CD34: variants seen among roughly 807,000 people sequenced by gnomAD.
The protein encoded by CD34 is CD34 molecule, also known as hematopoietic progenitor cell antigen CD34.
A neutral mutation model predicts 40.1 loss-of-function variants in CD34; 34 were observed. The observed-to-expected ratio is 0.85, with a 90% CI of 0.65 to 1.13. The LOEUF (loss-of-function observed/expected upper bound fraction) is 1.13, where lower values mean the gene tolerates loss of function less well. CD34 is among the 50% of genes most tolerant of loss of function. The pLI is 0.00. For missense variants in CD34, 426 were observed against 466.9 expected, an observed-to-expected ratio of 0.91 and a Z score of 0.81; for synonymous variants, 209 against 190.0, an observed-to-expected ratio of 1.10 and a Z score of -0.82.
chr1:207,907,236 T>TA (rs985620416), intron 1 of CD34, among the ~76,000 whole-genome samples: 3 of 151,822 alleles, frequency 2.0e-5, no homozygotes, highest in African/African-American at 4.8e-5. Context: ...AGCCATGTAT[T>TA]AAAAAAAAAT....
chr1:207,892,239 C>T (rs1451309566), intron 4 of CD34, among the ~76,000 whole-genome samples: 1 of 152,136 alleles, frequency 6.6e-6, no homozygotes, highest in African/African-American at 2.4e-5. Context: ...GTGTCATGTT[C>T]CTCAGCTGTA....
rs1251041847 is a variant in CD34, at chr1:207,882,171, A to G, written c.*5567T>C. The G allele has an allele frequency of 6.6e-6, 1 of 152,252 alleles. No individual in the cohort carries two copies. Among genetic ancestry groups the G allele is most frequent in the East Asian group, 1.9e-4 (1 of 5,206 alleles). The allele number at this position is 152,252 out of a possible 1,614,324, so 9.4% of individuals were successfully genotyped here. The stretch of plus-strand genomic sequence containing the variant: ...TAGGGAGACTCCGATATGTAGAGAG[A>G]AGAAGGCAGAATTGGGAGGGACTTT... On this transcript the variant is annotated 3_prime_UTR_variant, in exon 8 of 8. Coordinates refer to ENST00000310833, the MANE Select transcript of CD34 (RefSeq NM_001025109.2).
In CD34 at chr1:207,887,549, A is replaced by C; in HGVS notation, c.*189T>G. The C allele has an allele frequency of 1.4e-6, 1 of 733,704 alleles. No individual in the cohort carries two copies. The highest frequency in any genetic ancestry group is 2.2e-6 in the Non-Finnish European group (1 of 463,762). The allele number at this position is 733,704 out of a possible 1,614,324, so 45.4% of individuals were successfully genotyped here. On this transcript the variant is annotated 3_prime_UTR_variant, in exon 8 of 8. Coordinates refer to ENST00000310833, the MANE Select transcript of CD34 (RefSeq NM_001025109.2). Reference sequence around the variant, plus strand: ...CCAGAGTCTGGCTCCAGGGAGCCGAATGTGTAAAGGACAGGAGTTTACCTG... The same window carrying C: ...CCAGAGTCTGGCTCCAGGGAGCCGACTGTGTAAAGGACAGGAGTTTACCTG...
chr1:207,907,961 C>A (rs913257809), intron 1 of CD34, among the ~76,000 whole-genome samples: 9 of 152,096 alleles, frequency 5.9e-5, no homozygotes, highest in African/African-American at 2.2e-4. Flanking sequence ...TTAGATCAAC[C>A]AAAGTCAATG....
Position 207,889,174 on chromosome 1 carries a change from G to T in CD34, c.794C>A (p.Ser265Tyr). Residue 265 changes from serine (S) to tyrosine (Y), a missense_variant, in exon 6 of 8, where the codon TCT becomes TAT. Coordinates refer to ENST00000310833, the MANE Select transcript of CD34 (RefSeq NM_001025109.2). ...SKLQLMKKHQ[S>Y]DLKKLGILDF... ...CAGAGGACTTACCTTTTTCAGGTCA[G>T]ATTGGTGCTTTTTCATAAGTTGGAG... is the stretch of plus-strand genomic sequence containing the variant. The T allele has an allele frequency of 6.3e-7, 1 of 1,595,520 alleles. No homozygotes were observed. The highest frequency in any genetic ancestry group is 8.6e-7 in the Non-Finnish European group (1 of 1,162,956).
chr1:207,900,996 C>CTTTT (rs34109724), intron 1 of CD34, among the ~76,000 whole-genome samples: 16 of 134,726 alleles, frequency 1.2e-4, no homozygotes, highest in South Asian at 2.4e-4. Context: ...GGGATACATA[C>CTTTT]TTTTTTTTTT....
intron 1 of CD34, among the ~76,000 whole-genome samples, chr1:207,901,275 C>G (rs1293960691): frequency 6.6e-6 from 1 of 152,222 alleles, no homozygotes; most frequent in African/African-American, 2.4e-5. Flanking sequence ...AGGATGTACC[C>G]TCTCTTCTAG....
In CD34 at chr1:207,910,079, C is replaced by T. The variant is rs143081580; in HGVS notation, c.79+923G>A. ...TGCAAAGAGATGAGGTGGAGAATGT[C>T]ATTCCCCAAGGAAAGTAATCGAGTA... On this transcript the variant is annotated intron_variant, in intron 1 of 7. Transcript: ENST00000310833. 3.9e-3 allele frequency among the ~76,000 whole-genome samples: 592 copies of T among 152,288 alleles called. 1 individual carries two copies. The highest frequency in any genetic ancestry group is 0.013 in the African/African-American group (560 of 41,550).
Position 207,888,744 on chromosome 1 carries a change from A to G in CD34, c.910T>C (p.Leu304=), listed in dbSNP as rs781364089. The change falls in exon 7 of 8, where the codon TTG becomes CTG. Residue 304 remains leucine, a synonymous_variant. Coordinates refer to ENST00000310833, the MANE Select transcript of CD34 (RefSeq NM_001025109.2). ...LVTSGALLAV[L]GITGYFLMNR... ...ATCAGGAAATAGCCAGTGATGCCCA[A>G]GACAGCCAGCAGGGCTCCCGAGGTG... 12 of 1,614,248 alleles carry G rather than the reference A, an allele frequency of 7.4e-6. No homozygotes were observed. Among genetic ancestry groups the G allele is most frequent in the Non-Finnish European group, 1.0e-5 (12 of 1,180,042 alleles).
rs1423148285 is a variant in CD34, at chr1:207,884,508, G to T, written c.*3230C>A. On this transcript the variant is annotated 3_prime_UTR_variant, in exon 8 of 8. Transcript: ENST00000310833. ...ATGAATGATTGAATGGTGGCTGGAA[G>T]CCTCTTCGATGGGGGCTTTAGGAAG... 3 of 152,196 alleles carry T rather than the reference G, an allele frequency of 2.0e-5. No homozygotes were observed. Among genetic ancestry groups the T allele is most frequent in the East Asian group, 1.9e-4 (1 of 5,180 alleles). The allele number at this position is 152,196 out of a possible 1,614,324, so 9.4% of individuals were successfully genotyped here. A position where few individuals can be genotyped will look rare whatever the true frequency, so the allele number is the denominator to read the frequency against.
Position 207,899,332 on chromosome 1 carries a change from G to A in CD34, c.263-106C>T. The A allele has an allele frequency of 3.2e-6, 4 of 1,248,006 alleles. No homozygotes were observed. The South Asian group carries it at 5.5e-5, about 17-fold the overall frequency. 77.3% of individuals were successfully genotyped at this position (1,248,006 alleles called of 1,614,324 possible). A position where few individuals can be genotyped will look rare whatever the true frequency, so the allele number is the denominator to read the frequency against. On this transcript the variant is annotated intron_variant, in intron 2 of 7. Coordinates refer to ENST00000310833, the MANE Select transcript of CD34 (RefSeq NM_001025109.2). ...CACTTCAACACAGAAAAGGGAGTTT[G>A]GGGAGTTAACAGTTACTTCGTGTCC...
In CD34 at chr1:207,883,418, T is replaced by C. The variant is rs1661840923; in HGVS notation, c.*4320A>G. On this transcript the variant is annotated 3_prime_UTR_variant, in exon 8 of 8. Coordinates refer to ENST00000310833, the MANE Select transcript of CD34 (RefSeq NM_001025109.2). ...ACATCTAGATACAAAGCACTTCATT[T>C]AGTCTTTCCTCGTGTTATTTCTCAC... is the stretch of plus-strand genomic sequence containing the variant. 1 of 152,250 alleles carries C rather than the reference T, an allele frequency of 6.6e-6. No homozygotes were observed. Among genetic ancestry groups the C allele is most frequent in the Non-Finnish European group, 1.5e-5 (1 of 68,044 alleles). The allele number at this position is 152,250 out of a possible 1,614,324, so 9.4% of individuals were successfully genotyped here.
chr1:207,910,910 C>A, intron 1 of CD34, 92 bp downstream of exon 1: 1 of 1,301,374 alleles, frequency 7.7e-7, no homozygotes. Flanking sequence ...CCCTTCCCTC[C>A]GTGAGACTCT....
chr1:207,889,619 C>T lies in CD34; in HGVS notation c.600G>A (p.Ala200=), dbSNP rs759595473. ...CLEQNKTSSC[A]EFKKDRGEGL... is the part of the protein sequence containing the mutation. Reference sequence around the variant, plus strand: ...CCTCTCCCCTGTCCTTCTTAAACTCCGCCTGGGAAGACAGAGAAACATGGA... The same window carrying T: ...CCTCTCCCCTGTCCTTCTTAAACTCTGCCTGGGAAGACAGAGAAACATGGA... The change falls in exon 5 of 8, where the codon GCG becomes GCA. Residue 200 remains alanine (A), a splice_region_variant and synonymous_variant. Coordinates refer to ENST00000310833, the MANE Select transcript of CD34 (RefSeq NM_001025109.2). The T allele has an allele frequency of 7.6e-5, 122 of 1,612,380 alleles. 2 individuals are homozygous for T. The highest frequency in any genetic ancestry group is 4.0e-4 in the South Asian group (36 of 90,808).
At chr1:207,910,932 C>T in intron 1 of CD34, 70 bp downstream of exon 1, 1 of 1,437,982 alleles carries the variant, frequency 7.0e-7, no homozygotes, top group African/African-American at 1.4e-5. Context: ...CTCTGCTGTT[C>T]AGCCTCCCAG....
At chr1:207,910,977 G>A (rs1377324282) in intron 1 of CD34, 25 bp downstream of exon 1, 22 of 1,558,544 alleles carry the variant, frequency 1.4e-5, no homozygotes, top group Non-Finnish European at 1.9e-5. Flanking sequence ...AAGCCAAGCG[G>A]CCGCGGCGCG....
At chr1:207,896,548 A>C (rs1257244824) in intron 4 of CD34, among the ~76,000 whole-genome samples, 1 of 152,224 alleles carries the variant, frequency 6.6e-6, no homozygotes, top group African/African-American at 2.4e-5. Context: ...AACTCTATTA[A>C]CTTTTTAATC....
At chr1:207,910,100 G>A (rs922609106) in intron 1 of CD34, among the ~76,000 whole-genome samples, 1 of 152,164 alleles carries the variant, frequency 6.6e-6, no homozygotes, top group African/African-American at 2.4e-5. Context: ...GAAAGTAATC[G>A]AGTATAAATA....
chr1:207,889,253 C>CTAAAGGATAAGCAAG, intron 5 of CD34, 40 bp from the exon 6 acceptor site: 1 of 1,613,860 alleles, frequency 6.2e-7, no homozygotes, highest in Non-Finnish European at 8.5e-7. Context: ...TAAAGAGAAA[C>CTAAAGGATAAGCAAG]CAGCTTATCC....
Sources: allele counts gnomAD v4.1 joint callset (sites outside exome capture counted in the v4.1 genomes callset), GRCh38; gene constraint gnomAD v4.1.1; transcripts MANE v1.5; gene names NCBI Gene and HGNC (gene_info 2026-07-23, HGNC 2026-07-21).